Variants in MED15 observed in about 807,000 individuals in gnomAD.
MED15 encodes mediator complex subunit 15.
Under a neutral mutation model 118.7 loss-of-function variants are expected in MED15, and 41 were observed. The ratio of observed to expected loss-of-function variants is 0.35; its 90% CI spans 0.27 to 0.45. MED15 has a LOEUF of 0.45. Among genes scored for constraint, MED15 ranks in the 20% least tolerant of loss-of-function variants. MED15 has a pLI of 1.00. For missense variants in MED15, 740 were observed against 1,025.5 expected (o/e 0.72, Z 3.80); for synonymous variants, 436 against 413.9 (o/e 1.05, Z -0.65).
chr22:20,585,488 G>A, intron 16 of MED15: 1 of 729,646 alleles, frequency 1.4e-6, no homozygotes, highest in Non-Finnish European at 2.2e-6. Context: ...CCCCAACACA[G>A]ATGTGGCTTT....
At chr22:20,573,910 C>G (rs570660566) in intron 8 of MED15, 2 of 152,338 alleles carry the variant, frequency 1.3e-5, no homozygotes, top group South Asian at 4.1e-4. Context: ...GTGTCTCCCC[C>G]CGGTCGGTTC....
chr22:20,508,576 T>C, intron 1 of MED15: 1 of 395,152 alleles, frequency 2.5e-6, no homozygotes, highest in Non-Finnish European at 4.6e-6. Context: ...TCAATTGTTC[T>C]CTGGTGGGCA....
chr22:20,521,720 TTATTTATTTATTTATG>T, intron 1 of MED15, among the ~76,000 whole-genome samples: 1 of 146,952 alleles, frequency 6.8e-6, no homozygotes, highest in East Asian at 2.1e-4. Context: ...ATTTATTTAT[TTATTTATTTATTTATG>T]TATTTCTGAG....
intron 8 of MED15, among the ~76,000 whole-genome samples, chr22:20,573,009 C>A (rs991794808): frequency 8.6e-5 from 13 of 150,944 alleles, no homozygotes; most frequent in African/African-American, 3.2e-4. Flanking sequence ...TGCTCTGTCA[C>A]CCAGGCTGGA....
At chr22:20,526,664 C>T (rs1487742578) in intron 1 of MED15, among the ~76,000 whole-genome samples, 1 of 152,188 alleles carries the variant, frequency 6.6e-6, no homozygotes, top group African/African-American at 2.4e-5. Context: ...CAGTTATCTT[C>T]AGGCTCAGTG....
In MED15 at chr22:20,554,985, C is replaced by T. The variant is rs199734753; in HGVS notation, c.288C>T (p.Ala96=). 30 of 1,611,362 alleles carry T rather than the reference C, an allele frequency of 1.9e-5. No homozygotes were observed. The East Asian group carries it at 2.5e-4, about 13-fold the overall frequency. ...TGACTGGCGGACCTGCTGCGGGAGC[C>T]GCTGGAATTGGCATGCCTCCTCGGG... The part of the protein sequence containing the change: ...QSLTGGPAAG[A]AGIGMPPRGP... Residue 96 remains alanine (A), a synonymous_variant, in exon 5 of 18, where the codon GCC becomes GCT. Coordinates refer to ENST00000263205, the MANE Select transcript of MED15 (RefSeq NM_001003891.3).
chr22:20,568,390 A>G (rs2146603706), intron 7 of MED15, 131 bp from the exon 8 acceptor site: 1 of 1,363,916 alleles, frequency 7.3e-7, no homozygotes, highest in African/African-American at 1.4e-5. Flanking sequence ...GTGACATCAC[A>G]GCACATGAGG....
chr22:20,508,638 C>T (rs1414500945), intron 1 of MED15, among the ~76,000 whole-genome samples: 1 of 152,074 alleles, frequency 6.6e-6, no homozygotes, highest in Non-Finnish European at 1.5e-5. Context: ...TTACAAAGAA[C>T]CTTCTTAAGG....
intron 2 of MED15, among the ~76,000 whole-genome samples, chr22:20,538,406 C>T (rs1179793652): frequency 2.0e-5 from 3 of 152,152 alleles, no homozygotes; most frequent in South Asian, 4.1e-4. Context: ...TGTGCCACCA[C>T]ACCCGGCTAA....
chr22:20,561,387 G>A (rs1001345701), intron 5 of MED15, among the ~76,000 whole-genome samples: 1 of 152,060 alleles, frequency 6.6e-6, no homozygotes, highest in Non-Finnish European at 1.5e-5. Flanking sequence ...GGGCATGGTG[G>A]CGCATGCCTG....
intron 2 of MED15, among the ~76,000 whole-genome samples, chr22:20,542,841 T>C (rs1322854375): frequency 1.3e-5 from 2 of 152,340 alleles, no homozygotes; most frequent in Admixed American, 1.3e-4. Flanking sequence ...TCTCCACAGA[T>C]CTTTCCTAGA....
rs765866338 is a variant in MED15, at chr22:20,582,689, C to A, written c.1351C>A (p.Pro451Thr). ...GCAGACCCCGCAGTCGATGCCCCCT[C>A]CCCCCCAGCCGTCCCCGCAGCCCGG... ...QVQTPQSMPP[P>T]PQPSPQPGQP... The change falls in exon 10 of 18, where the codon CCC (proline) becomes ACC (threonine). Residue 451 changes from proline to threonine, a missense_variant. By Grantham distance (38) the Pro-to-Thr change is conservative (BLOSUM62 -1). This residue lies in a region of MED15 where 384 missense variants were observed against 506.3 expected (regional missense o/e 0.76). Transcript: ENST00000263205. 6.3e-7 allele frequency: 1 copy of A among 1,594,490 alleles called. No homozygotes were observed. The highest frequency in any genetic ancestry group is 8.5e-7 in the Non-Finnish European group (1 of 1,176,386).
At chr22:20,558,407 G>A (rs2056102260) in intron 5 of MED15, among the ~76,000 whole-genome samples, 1 of 152,190 alleles carries the variant, frequency 6.6e-6, no homozygotes, top group Non-Finnish European at 1.5e-5. Flanking sequence ...GGTGACCCAG[G>A]TTAGTCGGAA....
chr22:20,569,935 G>C (rs1284220650), intron 8 of MED15, among the ~76,000 whole-genome samples: 6 of 152,190 alleles, frequency 3.9e-5, no homozygotes, highest in Non-Finnish European at 8.8e-5. Flanking sequence ...AGTCAGCTTA[G>C]TGGTGGCACA....
chr22:20,558,053 C>T (rs1003459492), intron 5 of MED15, among the ~76,000 whole-genome samples: 8 of 152,048 alleles, frequency 5.3e-5, no homozygotes, highest in East Asian at 3.9e-4. Flanking sequence ...TTGCAGGGGG[C>T]GAGATCGTGC....
At chr22:20,513,287 T>C (rs1485530818) in intron 1 of MED15, among the ~76,000 whole-genome samples, 1 of 151,186 alleles carries the variant, frequency 6.6e-6, no homozygotes, top group East Asian at 1.9e-4. Flanking sequence ...TCTTTCTTTT[T>C]TTTTTTTTTT....
intron 2 of MED15, among the ~76,000 whole-genome samples, chr22:20,544,978 G>A (rs947012109): frequency 6.6e-6 from 1 of 152,136 alleles, no homozygotes; most frequent in Non-Finnish European, 1.5e-5. Context: ...GGGTCCACCC[G>A]CATAACCCAG....
intron 1 of MED15, among the ~76,000 whole-genome samples, chr22:20,531,045 G>A (rs1251616308): frequency 2.6e-5 from 4 of 152,124 alleles, no homozygotes; most frequent in African/African-American, 7.2e-5. Flanking sequence ...CCGTGAGGTC[G>A]GCACTGTCCC....
At chr22:20,540,386 T>C (rs1389499622) in intron 2 of MED15, among the ~76,000 whole-genome samples, 2 of 152,100 alleles carry the variant, frequency 1.3e-5, no homozygotes, top group Non-Finnish European at 2.9e-5. Flanking sequence ...GAGCCCCAAC[T>C]TCATACCCTA....
Sources: gnomAD v4.1 joint callset for allele counts (sites outside exome capture counted in the v4.1 genomes callset) on GRCh38, gnomAD v4.1.1 for gene constraint, gnomAD v4.1.1 regional missense constraint, MANE v1.5 for transcripts, NCBI Gene and HGNC (gene_info 2026-07-23, HGNC 2026-07-21) for gene names.